Variants in MAGI2 observed in about 807,000 individuals in gnomAD.
MAGI2 encodes the protein membrane associated guanylate kinase, WW and PDZ domain containing 2.
Under a neutral mutation model 133.3 loss-of-function variants are expected in MAGI2, and 35 were observed. The observed-to-expected ratio is 0.26, with a 90% CI of 0.20 to 0.35. The LOEUF is 0.35. MAGI2 is among the 10% of genes least tolerant of loss of function. MAGI2 has a pLI of 1.00. For missense variants in MAGI2, 1,636 were observed against 1,863.4 expected, an observed-to-expected ratio of 0.88 and a Z score of 2.25; for synonymous variants, 729 against 710.6, an observed-to-expected ratio of 1.03 and a Z score of -0.41.
At chr7:78,368,282 G>T (rs1793585087) in intron 7 of MAGI2, among the ~76,000 whole-genome samples, 2 of 152,138 alleles carry the variant, frequency 1.3e-5, no homozygotes, top group South Asian at 4.1e-4. Context: ...AAGCCAACCT[G>T]TAACTCTTGA....
At chr7:78,252,265 A>C (rs1246920846) in intron 10 of MAGI2, 2 of 152,190 alleles carry the variant, frequency 1.3e-5, no homozygotes, top group Non-Finnish European at 2.9e-5. Context: ...TCTGGTTTCA[A>C]GACTTAATAG....
At chr7:78,797,863 C>T (rs80228699) in intron 2 of MAGI2, among the ~76,000 whole-genome samples, 4,111 of 151,468 alleles carry the variant, frequency 0.027, 199 homozygotes, top group African/African-American at 0.094. Flanking sequence ...GAAAGAGTGC[C>T]CAAGAGCAGT....
At chr7:79,436,320 G>A (rs1848144035) in intron 1 of MAGI2, among the ~76,000 whole-genome samples, 1 of 150,496 alleles carries the variant, frequency 6.6e-6, no homozygotes, top group Admixed American at 6.6e-5. Flanking sequence ...AGTCCTCAAA[G>A]GCAATCGCAA....
intron 16 of MAGI2, among the ~76,000 whole-genome samples, chr7:78,144,203 A>G (rs940343857): frequency 1.3e-5 from 2 of 152,166 alleles, no homozygotes; most frequent in African/African-American, 2.4e-5. Flanking sequence ...ATAATAAAAA[A>G]TTCTAGTCTC....
At chr7:78,256,668 AG>A (rs1175533133) in intron 9 of MAGI2, 87 bp from the exon 10 acceptor site, 1 of 1,115,906 alleles carries the variant, frequency 9.0e-7, no homozygotes, top group Admixed American at 2.2e-5. Context: ...GACTAGTGAG[AG>A]GTGTTGTTTC....
At chr7:78,277,456 A>G (rs1021144340) in intron 9 of MAGI2, among the ~76,000 whole-genome samples, 1 of 152,200 alleles carries the variant, frequency 6.6e-6, no homozygotes, top group African/African-American at 2.4e-5. Context: ...GCTTGCAAAC[A>G]TTTGCCAAAT....
chr7:79,055,170 C>A (rs1267142278), intron 1 of MAGI2, among the ~76,000 whole-genome samples: 1 of 152,176 alleles, frequency 6.6e-6, no homozygotes, highest in African/African-American at 2.4e-5. Flanking sequence ...TCTCTAACTC[C>A]TTGTTTCTGA....
chr7:78,556,471 T>C (rs1001500840), intron 3 of MAGI2, among the ~76,000 whole-genome samples: 5 of 152,146 alleles, frequency 3.3e-5, no homozygotes, highest in Non-Finnish European at 1.5e-5. Flanking sequence ...TATCCTGAAG[T>C]TGTGATGACA....
At chr7:78,455,029 A>C (rs1789157839) in intron 6 of MAGI2, among the ~76,000 whole-genome samples, 1 of 152,196 alleles carries the variant, frequency 6.6e-6, no homozygotes. Context: ...AGAACTGTAC[A>C]ACACAAACAG....
chr7:78,757,215 C>G (rs1348168695), intron 2 of MAGI2, among the ~76,000 whole-genome samples: 1 of 152,036 alleles, frequency 6.6e-6, no homozygotes, highest in Admixed American at 6.6e-5. Context: ...AGAGGACAGC[C>G]TCTCTGTTTG....
At chr7:78,497,000 A>T (rs1794145132) in intron 5 of MAGI2, among the ~76,000 whole-genome samples, 1 of 152,192 alleles carries the variant, frequency 6.6e-6, no homozygotes, top group Admixed American at 6.5e-5. Context: ...AGTAAGGATT[A>T]AGTGAATGGA....
At position 78,054,530 on chromosome 7, in the gene MAGI2, G is replaced by A. The variant is rs564991852; in HGVS notation, c.3706+24417C>T. 7.1e-4 allele frequency among the ~76,000 whole-genome samples: 108 copies of A among 151,584 alleles called. 1 individual carries two copies. The South Asian group carries it at 0.014, about 19-fold the overall frequency. ...TACGGACATTCTCCTTCACATGGGT[G>A]TGTGTATGTATTATATTCTTATGTA... On this transcript the variant is annotated intron_variant, in intron 21 of 21. Transcript: ENST00000354212.
At chr7:78,087,898 T>A (rs1030014367) in intron 20 of MAGI2, among the ~76,000 whole-genome samples, 1 of 152,298 alleles carries the variant, frequency 6.6e-6, no homozygotes, top group South Asian at 2.1e-4. Flanking sequence ...ATAACTACCA[T>A]CATTACATTT....
At chr7:78,062,751 T>A (rs1354957063) in intron 21 of MAGI2, among the ~76,000 whole-genome samples, 3 of 152,218 alleles carry the variant, frequency 2.0e-5, no homozygotes, top group Non-Finnish European at 4.4e-5. Flanking sequence ...GAGTGCCTCA[T>A]CCAAGTGCCC....
intron 2 of MAGI2, among the ~76,000 whole-genome samples, chr7:78,712,714 G>T (rs1277750925): frequency 6.6e-6 from 1 of 152,100 alleles, no homozygotes; most frequent in Non-Finnish European, 1.5e-5. Context: ...AGAAATGATA[G>T]GTAATGACAT....
intron 3 of MAGI2, among the ~76,000 whole-genome samples, chr7:78,528,575 A>G (rs1223332947): frequency 2.0e-5 from 3 of 152,176 alleles, no homozygotes; most frequent in Non-Finnish European, 2.9e-5. Context: ...AGTAAATATA[A>G]CCCAGAAAAT....
At chr7:78,567,100 C>T (rs568168977) in intron 3 of MAGI2, among the ~76,000 whole-genome samples, 4 of 152,128 alleles carry the variant, frequency 2.6e-5, no homozygotes, top group Non-Finnish European at 4.4e-5. Context: ...ACTTTGTCCC[C>T]GTTATTGTCC....
chr7:78,510,874 T>C (rs1330662335), intron 4 of MAGI2, among the ~76,000 whole-genome samples: 1 of 152,168 alleles, frequency 6.6e-6, no homozygotes, highest in Non-Finnish European at 1.5e-5. Flanking sequence ...TTTATACTGG[T>C]CCAAAGCTTG....
chr7:79,189,054 T>C (rs938513240), intron 1 of MAGI2, among the ~76,000 whole-genome samples: 8 of 151,926 alleles, frequency 5.3e-5, no homozygotes, highest in African/African-American at 1.5e-4. Context: ...TGTTGTTGTT[T>C]TTAAACAAAC....
Sources: allele counts gnomAD v4.1 joint callset (sites outside exome capture counted in the v4.1 genomes callset), GRCh38; gene constraint gnomAD v4.1.1; transcripts MANE v1.5; gene names NCBI Gene and HGNC (gene_info 2026-07-23, HGNC 2026-07-21).